The following MITD1 variants were observed in gnomAD, a reference collection of about 807,000 sequenced individuals.
The protein encoded by MITD1 is MIT domain-containing protein 1.
MITD1 carries 24 observed loss-of-function variants against 34.9 expected under a neutral mutation model. The observed-to-expected ratio is 0.69, with a 90% CI of 0.50 to 0.97. MITD1 has a LOEUF of 0.97. MITD1 is among the 50% of genes least tolerant of loss of function. MITD1 has a pLI of 0.00. For synonymous variants in MITD1, 102 were observed against 101.4 expected (o/e 1.01, Z -0.04); for missense variants, 266 against 294.6 (o/e 0.90, Z 0.71).
intron 1 of MITD1, among the ~76,000 whole-genome samples, chr2:99,177,675 A>AT (rs34554984): frequency 0.51 from 76,256 of 149,874 alleles, 21,073 homozygotes; most frequent in Middle Eastern, 0.7. Flanking sequence ...TTAACTGTAA[A>AT]TTTTTTTTTT....
intron 4 of MITD1, 102 bp from the exon 5 acceptor site, chr2:99,170,754 T>C: frequency 1.8e-6 from 1 of 555,256 alleles, no homozygotes; most frequent in Non-Finnish European, 3.3e-6. Flanking sequence ...AAGATGGAAA[T>C]GTTCTATACT....
intron 7 of MITD1, chr2:99,163,204 A>T: frequency 1.7e-6 from 1 of 572,522 alleles, no homozygotes; most frequent in Non-Finnish European, 2.9e-6. Context: ...AAACACAACA[A>T]CCTAGTCTCT....
chr2:99,180,876 C>G lies in MITD1; in HGVS notation c.106G>C (p.Val36Leu). Residue 36 changes from valine to leucine, a missense_variant, in exon 1 of 7, where the codon GTG becomes CTG. Val to Leu is a conservative substitution (Grantham distance 32). Transcript: ENST00000289359. Reference protein sequence around the residue: ...DSESRYPQALVCYQEGIDLLL... With the variant: ...DSESRYPQALLCYQEGIDLLL... The stretch of plus-strand genomic sequence containing the variant: ...AGATCAATCCCCTCTTGGTAACACA[C>G]CAGAGCCTGCGGATACCGCGACTCC... The G allele has an allele frequency of 3.1e-6, 5 of 1,614,200 alleles. No homozygotes were observed. The highest frequency in any genetic ancestry group is 3.4e-6 in the Non-Finnish European group (4 of 1,180,038).
At chr2:99,180,724 T>C in intron 1 of MITD1, 107 bp downstream of exon 1, 1 of 964,020 alleles carries the variant, frequency 1.0e-6, no homozygotes, top group Non-Finnish European at 1.6e-6. Context: ...ATTTAACTGC[T>C]TCTTCGTGGT....
intron 1 of MITD1, among the ~76,000 whole-genome samples, chr2:99,175,617 T>C (rs933577170): frequency 2.0e-5 from 3 of 152,230 alleles, no homozygotes; most frequent in African/African-American, 7.2e-5. Context: ...AAGTACCTTA[T>C]GGAAAGATAT....
chr2:99,166,461 A>C (rs1448065621), downstream of MITD1, among the ~76,000 whole-genome samples: 1 of 148,690 alleles, frequency 6.7e-6, no homozygotes, highest in Non-Finnish European at 1.5e-5. Context: ...AAGTGAGTTA[A>C]AGCAAATAGG....
intron 1 of MITD1, among the ~76,000 whole-genome samples, chr2:99,175,784 T>C (rs747073820): frequency 2.0e-5 from 3 of 152,234 alleles, no homozygotes; most frequent in Non-Finnish European, 4.4e-5. Context: ...GGCTCAGGGA[T>C]ATTTATTTTA....
chr2:99,169,556 T>C lies in MITD1; in HGVS notation c.648A>G (p.Lys216=), dbSNP rs1370922195. The change falls in exon 6 of 7, where the codon AAA becomes AAG. Residue 216 remains lysine (K), a synonymous_variant. Transcript: ENST00000289359. ...TCATAAGATTATATCCTACCTGTGG[T>C]TTCTTAAAATAATCAAGTCCCCTTC... ...KIGRGLDYFK[K]PQSRFSLGYC... 1.9e-6 allele frequency: 3 copies of C among 1,609,816 alleles called. No homozygotes were observed. Among genetic ancestry groups the C allele is most frequent in the Non-Finnish European group, 2.6e-6 (3 of 1,176,352 alleles).
intron 4 of MITD1, among the ~76,000 whole-genome samples, chr2:99,171,114 A>T (rs1403352916): frequency 2.6e-5 from 4 of 152,246 alleles, no homozygotes. Context: ...AAGAGACTAA[A>T]CTAACAAACT....
At chr2:99,162,693 C>T (rs2093805866) in intron 7 of MITD1, 1 of 1,614,156 alleles carries the variant, frequency 6.2e-7, no homozygotes, top group Non-Finnish European at 8.5e-7. Context: ...TAATCACATT[C>T]ACCTAATAAA....
intron 2 of MITD1, chr2:99,173,627 C>A: frequency 2.1e-6 from 1 of 473,520 alleles, no homozygotes. Flanking sequence ...TTTGTGAACC[C>A]CTTAAAAATG....
chr2:99,170,055 G>T (rs1374905395), intron 5 of MITD1, among the ~76,000 whole-genome samples: 1 of 152,110 alleles, frequency 6.6e-6, no homozygotes, highest in Non-Finnish European at 1.5e-5. Context: ...GAGTGCCCTT[G>T]CTATAAACAT....
In MITD1 at chr2:99,176,291, T is replaced by C. The variant is rs369127645; in HGVS notation, c.152-2275A>G. ...ACCAAATTTGTCCAACTCTTGCATG[T>C]GGCCCAGGACAGCTCTGAATGAGGC... On this transcript the variant is annotated intron_variant, in intron 1 of 6. Coordinates refer to ENST00000289359, the MANE Select transcript of MITD1 (RefSeq NM_138798.3). Among the ~76,000 whole-genome samples the C allele has an allele frequency of 1.6e-4, 24 of 150,890 alleles. 1 individual carries two copies. The East Asian group carries it at 4.8e-3, about 30-fold the overall frequency.
intron 7 of MITD1, chr2:99,162,726 C>A (rs2105202156): frequency 1.9e-6 from 3 of 1,614,122 alleles, no homozygotes; most frequent in Non-Finnish European, 2.5e-6. Context: ...GACACTGTTT[C>A]CTGGAATAAA....
chr2:99,165,663 A>T (rs1196417872), downstream of MITD1, among the ~76,000 whole-genome samples: 1 of 152,152 alleles, frequency 6.6e-6, no homozygotes, highest in Non-Finnish European at 1.5e-5. Flanking sequence ...GTCCCCTTAT[A>T]TGTTTGCGGA....
chr2:99,180,968 C>T lies in MITD1; in HGVS notation c.14G>A (p.Gly5Glu), dbSNP rs145515121. MAKS[G>E]LRQDPQSTAA... ...TGTGCTCTGCGGGTCCTGCCTCAGC[C>T]CGGACTTCGCCATAATTCTGGAAGT... Residue 5 changes from glycine (G) to glutamate (E), a missense_variant, in exon 1 of 7, where the codon GGG becomes GAG. By Grantham distance (98) the Gly-to-Glu change is moderately conservative (BLOSUM62 -2). Coordinates refer to ENST00000289359, the MANE Select transcript of MITD1 (RefSeq NM_138798.3). 1,283 of 1,613,562 alleles carry T rather than the reference C, an allele frequency of 8.0e-4. 11 individuals carry two copies. In the African/African-American group the frequency reaches 0.014, roughly 17 times the overall value.
rs767568897 is a variant in MITD1, at chr2:99,162,169, C to T, written c.*53G>A. The T allele has an allele frequency of 1.4e-5, 22 of 1,613,860 alleles. No individual in the cohort carries two copies. In the Admixed American group the frequency reaches 3.0e-4, roughly 22 times the overall value. On this transcript the variant is annotated 3_prime_UTR_variant, in exon 8 of 8. Transcript: ENST00000422537. Reference sequence around the variant, plus strand: ...CTATTCTTTTGGCAGAATTCTCCCTCTGTTGTAATTGGTAGGCATCAAAAT... The same window carrying T: ...CTATTCTTTTGGCAGAATTCTCCCTTTGTTGTAATTGGTAGGCATCAAAAT...
downstream of MITD1, among the ~76,000 whole-genome samples, chr2:99,165,019 TACAC>T (rs56958044): frequency 0.12 from 16,478 of 136,342 alleles, 971 homozygotes; most frequent in East Asian, 0.22. Context: ...CAAAATGGCA[TACAC>T]ACACACACAC....
chr2:99,162,213 C>G (rs753603272), exon 8 of MITD1: 1 of 1,613,946 alleles, frequency 6.2e-7, no homozygotes, highest in Admixed American at 1.7e-5. Context: ...GGAATGTAAC[C>G]TGAATCTAAT....
Sources: gnomAD v4.1 joint callset for allele counts (sites outside exome capture counted in the v4.1 genomes callset) on GRCh38, gnomAD v4.1.1 for gene constraint, MANE v1.5 for transcripts, NCBI Gene and HGNC (gene_info 2026-07-23, HGNC 2026-07-21) for gene names.